RTN1: variants seen among roughly 807,000 people sequenced by gnomAD.
RTN1 encodes the protein reticulon 1.
In RTN1, 25 loss-of-function variants were observed where a neutral mutation model predicts 65.5. The observed-to-expected ratio is 0.38, with a 90% CI of 0.28 to 0.53. RTN1 has a LOEUF of 0.53. Ranked by LOEUF, RTN1 falls within the 20% of genes least tolerant of loss-of-function variation. The pLI is 0.79. For missense variants in RTN1, 983 were observed against 1,025.4 expected (o/e 0.96, Z 0.57); for synonymous variants, 471 against 447.6 (o/e 1.05, Z -0.66).
chr14:59,714,849 G>A (rs891725577), intron 3 of RTN1, among the ~76,000 whole-genome samples: 2 of 152,212 alleles, frequency 1.3e-5, no homozygotes, highest in African/African-American at 4.8e-5. Flanking sequence ...CACACAGCAG[G>A]AGGGGAGCGG....
chr14:59,852,911 G>A (rs1161284111), intron 1 of RTN1, among the ~76,000 whole-genome samples: 1 of 152,152 alleles, frequency 6.6e-6, no homozygotes, highest in Admixed American at 6.5e-5. Flanking sequence ...TTCTTAGTAT[G>A]TATTTGTGTC....
At chr14:59,644,999 CTCT>C (rs1308668140) in intron 3 of RTN1, among the ~76,000 whole-genome samples, 10 of 152,094 alleles carry the variant, frequency 6.6e-5, no homozygotes, top group Admixed American at 5.9e-4. Context: ...ACAGCCTTAG[CTCT>C]TCTTGCCATA....
At position 59,870,653 on chromosome 14, in the gene RTN1, C is replaced by T; in HGVS notation, c.-23G>A. The T allele has an allele frequency of 7.4e-7, 1 of 1,358,770 alleles. No homozygotes were observed. Among genetic ancestry groups the T allele is most frequent in the South Asian group, 1.8e-5 (1 of 55,416 alleles). 84.2% of individuals were successfully genotyped at this position (1,358,770 alleles called of 1,614,324 possible). On this transcript the variant is annotated 5_prime_UTR_variant, in exon 1 of 9. Coordinates refer to ENST00000267484, the MANE Select transcript of RTN1 (RefSeq NM_021136.3). The surrounding 1 kb of genome is among the most constrained non-coding windows in gnomAD (Gnocchi z 5.1). ...CATGGCTGGCGGTCCCCCGGCGCGG[C>T]GACGGCGGCTTGGCTGGGCAGAGGC... is the stretch of plus-strand genomic sequence containing the variant.
intron 3 of RTN1, among the ~76,000 whole-genome samples, chr14:59,621,015 G>T (rs1245283864): frequency 1.3e-5 from 2 of 152,228 alleles, no homozygotes; most frequent in Non-Finnish European, 2.9e-5. Context: ...CAGTGGGAAG[G>T]GTAGGAGGTG....
Position 59,603,114 on chromosome 14 carries a change from C to T in RTN1, c.2239G>A (p.Asp747Asn). ...GTCCTCACAAGTCCCAGATATTGGTCAATCTGTGCCTACATAAAGAAAAAA... is the reference window on the plus strand; with the variant it reads ...GTCCTCACAAGTCCCAGATATTGGTTAATCTGTGCCTACATAAAGAAAAAA... ...VVYVKHQAQIDQYLGLVRTHI... is the reference protein window; with the variant it reads ...VVYVKHQAQINQYLGLVRTHI... The change falls in exon 8 of 9, where the codon GAC becomes AAC. Residue 747 changes from aspartate (D) to asparagine (N), a missense_variant. Around this residue, in one of 2 missense-constraint regions of RTN1, gnomAD observed 165 missense variants for 223.6 expected, o/e 0.74. Coordinates refer to ENST00000267484, the MANE Select transcript of RTN1 (RefSeq NM_021136.3). 2 of 1,612,768 alleles carry T rather than the reference C, an allele frequency of 1.2e-6. No individual in the cohort carries two copies. Among genetic ancestry groups the T allele is most frequent in the Non-Finnish European group, 8.5e-7 (1 of 1,179,514 alleles).
At chr14:59,827,567 C>CTAA (rs1887056263) in intron 1 of RTN1, among the ~76,000 whole-genome samples, 1 of 152,174 alleles carries the variant, frequency 6.6e-6, no homozygotes, top group Non-Finnish European at 1.5e-5. Flanking sequence ...ATTTAGAAAA[C>CTAA]AATAGAGTCC....
chr14:59,803,592 T>A lies in RTN1; in HGVS notation c.242-57111A>T, dbSNP rs1382026245. ...AATTTTCCTACCTGGGAAATCAGCATCATTTACTGCCTCAGAGAAGACAAG... is the reference window on the plus strand; with the variant it reads ...AATTTTCCTACCTGGGAAATCAGCAACATTTACTGCCTCAGAGAAGACAAG... On this transcript the variant is annotated intron_variant, in intron 1 of 8. Coordinates refer to ENST00000267484, the MANE Select transcript of RTN1 (RefSeq NM_021136.3). This position sits in a 1 kb window ranked among gnomAD's most constrained non-coding sequence, Gnocchi z 5.6. Among the ~76,000 whole-genome samples, 1 of 152,168 alleles carries A rather than the reference T, an allele frequency of 6.6e-6. No homozygotes were observed. The highest frequency in any genetic ancestry group is 6.5e-5 in the Admixed American group (1 of 15,272).
At chr14:59,857,217 G>A (rs927470660) in intron 1 of RTN1, among the ~76,000 whole-genome samples, 2 of 151,898 alleles carry the variant, frequency 1.3e-5, no homozygotes, top group African/African-American at 4.8e-5. Flanking sequence ...TTAATGAGGG[G>A]CAAGGAGTAT....
intron 1 of RTN1, among the ~76,000 whole-genome samples, chr14:59,838,560 G>C (rs1431341811): frequency 6.6e-6 from 1 of 152,120 alleles, no homozygotes; most frequent in Non-Finnish European, 1.5e-5. Flanking sequence ...AATAGTTAAT[G>C]ATGTCAGAAG....
intron 3 of RTN1, among the ~76,000 whole-genome samples, chr14:59,705,822 G>A (rs1884279491): frequency 1.3e-5 from 2 of 152,144 alleles, no homozygotes; most frequent in African/African-American, 2.4e-5. Flanking sequence ...AGCTTCTGTT[G>A]GGGCTCAGAA....
intron 2 of RTN1, among the ~76,000 whole-genome samples, chr14:59,736,622 A>G (rs1049414788): frequency 6.6e-6 from 1 of 152,152 alleles, no homozygotes; most frequent in African/African-American, 2.4e-5. Context: ...TACCATTTCT[A>G]TTGAAACTAT....
chr14:59,654,414 G>C (rs1405061072), intron 3 of RTN1, among the ~76,000 whole-genome samples: 4 of 139,864 alleles, frequency 2.9e-5, no homozygotes, highest in Admixed American at 7.3e-5. Flanking sequence ...GGGTGACAGA[G>C]CGAGACTCTG....
chr14:59,675,335 G>A (rs984622407), intron 3 of RTN1, among the ~76,000 whole-genome samples: 2 of 151,724 alleles, frequency 1.3e-5, no homozygotes, highest in Non-Finnish European at 2.9e-5. Context: ...TTTAGGCCAG[G>A]GAATATAAAG....
At chr14:59,804,743 T>A (rs572820927) in intron 1 of RTN1, among the ~76,000 whole-genome samples, 1 of 152,328 alleles carries the variant, frequency 6.6e-6, no homozygotes, top group South Asian at 2.1e-4. Flanking sequence ...GTAAATTTGC[T>A]GCTGGGAATG....
intron 3 of RTN1, among the ~76,000 whole-genome samples, chr14:59,627,034 G>A (rs1224479706): frequency 6.6e-6 from 1 of 152,170 alleles, no homozygotes; most frequent in African/African-American, 2.4e-5. Flanking sequence ...TGAGATGGGA[G>A]GAGTTATGGA....
At chr14:59,716,211 A>T (rs2139462122) in intron 3 of RTN1, among the ~76,000 whole-genome samples, 1 of 152,380 alleles carries the variant, frequency 6.6e-6, no homozygotes, top group Non-Finnish European at 1.5e-5. Context: ...GCTTGTAAGC[A>T]GGCCAATTAC....
intron 3 of RTN1, among the ~76,000 whole-genome samples, chr14:59,616,609 AATT>A (rs1882108687): frequency 6.6e-6 from 1 of 152,212 alleles, no homozygotes; most frequent in Non-Finnish European, 1.5e-5. Flanking sequence ...CATTATTAAT[AATT>A]ATAATTGTTA....
intron 1 of RTN1, among the ~76,000 whole-genome samples, chr14:59,770,291 TCG>T (rs768480531): frequency 2.8e-5 from 4 of 145,180 alleles, no homozygotes; most frequent in Non-Finnish European, 4.5e-5. Flanking sequence ...AGCAGGAGAA[TCG>T]CTTGAACCTG....
At chr14:59,724,595 T>G (rs1331089493) in intron 3 of RTN1, among the ~76,000 whole-genome samples, 2 of 152,060 alleles carry the variant, frequency 1.3e-5, no homozygotes, top group African/African-American at 4.8e-5. Context: ...CTGGGCGTGG[T>G]GGCTCACGCC....
Sources: allele counts gnomAD v4.1 joint callset (sites outside exome capture counted in the v4.1 genomes callset), GRCh38; gene constraint gnomAD v4.1.1; regional missense constraint gnomAD v4.1.1; non-coding constraint Gnocchi (gnomAD v3.1); transcripts MANE v1.5; gene names NCBI Gene and HGNC (gene_info 2026-07-23, HGNC 2026-07-21).